Variants in DENND5B observed in about 807,000 individuals in gnomAD.
The protein encoded by DENND5B is DENN domain containing 5B, also known as DENN domain-containing protein 5B.
A neutral mutation model predicts 140.6 loss-of-function variants in DENND5B; 34 were observed. That is an observed-to-expected ratio of 0.24 (90% CI 0.18 to 0.32). DENND5B has a LOEUF of 0.32. DENND5B is among the 10% of genes least tolerant of loss of function. The pLI, the probability that DENND5B is intolerant of heterozygous loss-of-function variation, is 1.00. For missense variants in DENND5B, 1,142 were observed against 1,560.2 expected, an observed-to-expected ratio of 0.73 and a Z score of 4.52; for synonymous variants, 551 against 562.1, an observed-to-expected ratio of 0.98 and a Z score of 0.28.
rs1943249617 is a variant in DENND5B at position 31,426,632 on chromosome 12, A to G, written c.2107-208T>C. ...ACAACTGTTAACTCCTGTGAGAAGT[A>G]AAGTGACAGAAACCCCATCACGTTA... On this transcript the variant is annotated intron_variant, in intron 8 of 20. Coordinates refer to ENST00000389082, the MANE Select transcript of DENND5B (RefSeq NM_144973.4). 6 of 458,218 alleles carry G rather than the reference A, an allele frequency of 1.3e-5. No individual in the cohort carries two copies. The South Asian group carries it at 1.5e-4, about 11-fold the overall frequency. 28.4% of individuals were successfully genotyped at this position (458,218 alleles called of 1,614,324 possible).
chr12:31,442,574 TTTTC>T (rs926536641), intron 7 of DENND5B, among the ~76,000 whole-genome samples, 197 bp downstream of exon 7: 12 of 152,252 alleles, frequency 7.9e-5, no homozygotes, highest in Non-Finnish European at 1.3e-4. Flanking sequence ...GCCTTTGTTT[TTTTC>T]TTTTTTTTTT....
chr12:31,526,889 TGTGA>T (rs1333642906), intron 1 of DENND5B, among the ~76,000 whole-genome samples: 1 of 152,230 alleles, frequency 6.6e-6, no homozygotes, highest in Non-Finnish European at 1.5e-5. Flanking sequence ...GTGACTCTAC[TGTGA>T]ATTAAGGCAA....
At chr12:31,483,463 C>T (rs1161787652) in intron 2 of DENND5B, among the ~76,000 whole-genome samples, 2 of 150,204 alleles carry the variant, frequency 1.3e-5, no homozygotes, top group Non-Finnish European at 3.0e-5. Context: ...TTTTCCAAGA[C>T]GGAGTCTTGC....
intron 1 of DENND5B, among the ~76,000 whole-genome samples, chr12:31,558,714 G>A (rs907451986): frequency 1.3e-5 from 2 of 152,140 alleles, no homozygotes; most frequent in African/African-American, 4.8e-5. Context: ...CCTCCTAAAG[G>A]ACTGGCTTAA....
At chr12:31,407,586 A>G (rs2137492931) in intron 14 of DENND5B, among the ~76,000 whole-genome samples, 1 of 152,190 alleles carries the variant, frequency 6.6e-6, no homozygotes, top group Admixed American at 6.5e-5. Flanking sequence ...CAAAACCTAC[A>G]CAATTCTGGC....
rs1180374419 is a variant in DENND5B, at chr12:31,522,636, G to A, written c.128-26717C>T. Among the ~76,000 whole-genome samples the A allele has an allele frequency of 3.3e-5, 5 of 151,964 alleles. No individual in the cohort carries two copies. The East Asian group carries it at 9.6e-4, about 29-fold the overall frequency. ...ATTTTGTATTTTTTGTCGAGATGAG[G>A]TTTCACCACGTTACCCCGGCTGGTC... is the stretch of plus-strand genomic sequence containing the variant. On this transcript the variant is annotated intron_variant, in intron 1 of 20. Coordinates refer to ENST00000389082, the MANE Select transcript of DENND5B (RefSeq NM_144973.4).
intron 5 of DENND5B, among the ~76,000 whole-genome samples, chr12:31,450,610 A>G (rs1944470575): frequency 6.6e-6 from 1 of 151,722 alleles, no homozygotes; most frequent in Admixed American, 6.6e-5. Flanking sequence ...TCCAGCCTCA[A>G]CCTCCTAGTG....
chr12:31,466,252 C>G (rs1406868095), intron 3 of DENND5B, among the ~76,000 whole-genome samples: 3 of 151,724 alleles, frequency 2.0e-5, no homozygotes, highest in Non-Finnish European at 4.4e-5. Context: ...ACTCGGGAGG[C>G]TGAAGTAGGA....
intron 1 of DENND5B, among the ~76,000 whole-genome samples, chr12:31,583,629 GA>G (rs1202760322): frequency 6.6e-6 from 1 of 152,130 alleles, no homozygotes; most frequent in East Asian, 1.9e-4. Context: ...AGTGAGCCGA[GA>G]TCACGCTACT....
chr12:31,387,341 CT>C lies in DENND5B; in HGVS notation c.*261del, dbSNP rs373874528. ...GGAATATTCAATCTAAGAAAAGCATCTTATTAGAGTAATATAATTTCTTAAA... is the reference window on the plus strand; with the variant it reads ...GGAATATTCAATCTAAGAAAAGCATCTATTAGAGTAATATAATTTCTTAAA... On this transcript the variant is annotated 3_prime_UTR_variant, in exon 21 of 21. Transcript: ENST00000389082. The C allele has an allele frequency of 5.2e-4, 160 of 305,572 alleles. No homozygotes were observed. Among genetic ancestry groups the C allele is most frequent in the African/African-American group, 3.3e-3 (154 of 46,872 alleles). The allele number at this position is 305,572 out of a possible 1,614,324, so 18.9% of individuals were successfully genotyped here. A position where few individuals can be genotyped will look rare whatever the true frequency, so the allele number is the denominator to read the frequency against.
At chr12:31,553,082 A>C (rs2075903281) in intron 1 of DENND5B, among the ~76,000 whole-genome samples, 1 of 151,770 alleles carries the variant, frequency 6.6e-6, no homozygotes, top group Admixed American at 6.6e-5. Flanking sequence ...CTCTGATCTT[A>C]GTTATTTCTT....
At chr12:31,470,919 G>A (rs1198111773) in intron 3 of DENND5B, among the ~76,000 whole-genome samples, 1 of 152,196 alleles carries the variant, frequency 6.6e-6, no homozygotes, top group East Asian at 1.9e-4. Flanking sequence ...CAGTAGCTGT[G>A]CTGAGACCAT....
chr12:31,447,039 A>G (rs1201890609), intron 6 of DENND5B, among the ~76,000 whole-genome samples: 1 of 152,198 alleles, frequency 6.6e-6, no homozygotes, highest in African/African-American at 2.4e-5. Flanking sequence ...TGGGAGGCTG[A>G]GGAGGGCAGA....
chr12:31,580,439 A>G (rs765217712), intron 1 of DENND5B, among the ~76,000 whole-genome samples: 2 of 151,936 alleles, frequency 1.3e-5, no homozygotes, highest in Non-Finnish European at 2.9e-5. Flanking sequence ...CATCAATCTC[A>G]AGCTTCTCAT....
intron 1 of DENND5B, among the ~76,000 whole-genome samples, chr12:31,528,741 A>T (rs1357589089): frequency 6.6e-6 from 1 of 152,224 alleles, no homozygotes; most frequent in Admixed American, 6.5e-5. Context: ...TGATTTTGAG[A>T]TGCCAATTCT....
At chr12:31,455,301 G>C (rs1343044463) in intron 4 of DENND5B, among the ~76,000 whole-genome samples, 1 of 152,008 alleles carries the variant, frequency 6.6e-6, no homozygotes, top group African/African-American at 2.4e-5. Flanking sequence ...AAATTTTAAA[G>C]CTTATTATGG....
At chr12:31,461,739 T>C (rs1945031290) in intron 3 of DENND5B, among the ~76,000 whole-genome samples, 1 of 152,224 alleles carries the variant, frequency 6.6e-6, no homozygotes, top group Non-Finnish European at 1.5e-5. Context: ...TGTTTGGTTT[T>C]CAGAATTTTT....
chr12:31,474,435 G>C (rs2138461707), intron 3 of DENND5B, among the ~76,000 whole-genome samples: 1 of 152,280 alleles, frequency 6.6e-6, no homozygotes, highest in Non-Finnish European at 1.5e-5. Context: ...TCCTAGAAAA[G>C]AGCCTTCACA....
intron 2 of DENND5B, among the ~76,000 whole-genome samples, chr12:31,482,632 G>A (rs1946111197): frequency 6.6e-6 from 1 of 151,334 alleles, no homozygotes; most frequent in African/African-American, 2.4e-5. Flanking sequence ...AGGATGAAGT[G>A]CAGTGGTACA....
Sources: gnomAD v4.1 joint callset for allele counts (sites outside exome capture counted in the v4.1 genomes callset) on GRCh38, gnomAD v4.1.1 for gene constraint, MANE v1.5 for transcripts, NCBI Gene and HGNC (gene_info 2026-07-23, HGNC 2026-07-21) for gene names.